Variants in ST6GALNAC3 observed in about 807,000 individuals in gnomAD.
ST6GALNAC3 encodes the protein ST6 N-acetylgalactosaminide alpha-2,6-sialyltransferase 3, also known as alpha-N-acetylgalactosaminide alpha-2,6-sialyltransferase 3.
Under a neutral mutation model 32.7 loss-of-function variants are expected in ST6GALNAC3, and 25 were observed. The observed-to-expected ratio is 0.76, with a 90% CI of 0.56 to 1.07. ST6GALNAC3 has a LOEUF of 1.07. Ranked by LOEUF, ST6GALNAC3 falls within the 50% of genes least tolerant of loss-of-function variation. ST6GALNAC3 has a pLI of 0.00. For synonymous variants in ST6GALNAC3, 129 were observed against 133.1 expected, an observed-to-expected ratio of 0.97 and a Z score of 0.21; for missense variants, 355 against 382.4, an observed-to-expected ratio of 0.93 and a Z score of 0.60.
In ST6GALNAC3 at chr1:76,541,240, G is replaced by C. The variant is rs564976856; in HGVS notation, c.624-86212G>C. Among the ~76,000 whole-genome samples, 10 of 152,242 alleles carry C rather than the reference G, an allele frequency of 6.6e-5. No individual in the cohort carries two copies. The South Asian group carries it at 1.9e-3, about 28-fold the overall frequency. ...TTAAAGGTTCAGATTTATCTGCTTG[G>C]TGATGAAAAGTAAGGAAACAATGGG... On this transcript the variant is annotated intron_variant, in intron 3 of 4. Transcript: ENST00000328299.
At chr1:76,340,505 C>G (rs1198591652) in intron 2 of ST6GALNAC3, among the ~76,000 whole-genome samples, 1 of 152,120 alleles carries the variant, frequency 6.6e-6, no homozygotes, top group Non-Finnish European at 1.5e-5. Flanking sequence ...TCAAGAAATT[C>G]AAAGACCTCA....
chr1:76,254,108 A>G (rs531346078), intron 1 of ST6GALNAC3, among the ~76,000 whole-genome samples: 1 of 152,140 alleles, frequency 6.6e-6, no homozygotes. Context: ...TGCAGATGGA[A>G]TGAATTATAA....
chr1:76,295,781 G>A (rs1341501192), intron 1 of ST6GALNAC3, among the ~76,000 whole-genome samples: 1 of 151,982 alleles, frequency 6.6e-6, no homozygotes, highest in African/African-American at 2.4e-5. Flanking sequence ...ATAATTATGT[G>A]GAGAGACTAG....
At chr1:76,260,331 G>T (rs1360908729) in intron 1 of ST6GALNAC3, among the ~76,000 whole-genome samples, 4 of 152,206 alleles carry the variant, frequency 2.6e-5, no homozygotes, top group Non-Finnish European at 1.5e-5. Context: ...ATTCTTTGTG[G>T]TGGTGGCCTT....
chr1:76,504,722 A>C (rs1262239359), intron 3 of ST6GALNAC3, among the ~76,000 whole-genome samples: 1 of 152,338 alleles, frequency 6.6e-6, no homozygotes, highest in East Asian at 1.9e-4. Flanking sequence ...GGAATGTGAT[A>C]GATCATATTA....
chr1:76,590,042 T>C (rs1647023487), intron 3 of ST6GALNAC3, among the ~76,000 whole-genome samples: 1 of 152,148 alleles, frequency 6.6e-6, no homozygotes, highest in Non-Finnish European at 1.5e-5. Flanking sequence ...CCAGGTTCAA[T>C]GGCATTTAAG....
At chr1:76,521,201 A>G (rs1469803223) in intron 3 of ST6GALNAC3, among the ~76,000 whole-genome samples, 1 of 151,934 alleles carries the variant, frequency 6.6e-6, no homozygotes, top group African/African-American at 2.4e-5. Context: ...TCCCTTTGGT[A>G]TTATTGTCAT....
In ST6GALNAC3 at chr1:76,494,647, G is replaced by GCA. The variant is rs1491154885; in HGVS notation, c.623+82231_623+82232insAC. Reference sequence around the variant, plus strand: ...GCATAAAAATATATTTCATGTGTATGCGCACACACACACACACACACACAC... The same window carrying GCA: ...GCATAAAAATATATTTCATGTGTATGCACGCACACACACACACACACACACAC... On this transcript the variant is annotated intron_variant, in intron 3 of 4. Transcript: ENST00000328299. 2.1e-3 allele frequency among the ~76,000 whole-genome samples: 116 copies of GCA among 54,006 alleles called. 1 individual carries two copies. The highest frequency in any genetic ancestry group is 0.012 in the African/African-American group (103 of 8,766). 35.4% of individuals were successfully genotyped at this position (54,006 alleles called of 152,430 possible).
At chr1:76,604,855 A>G (rs2100644648) in intron 3 of ST6GALNAC3, among the ~76,000 whole-genome samples, 1 of 152,128 alleles carries the variant, frequency 6.6e-6, no homozygotes, top group Middle Eastern at 3.4e-3. Context: ...TCTTGCATTT[A>G]TTTTGCCATT....
At chr1:76,475,731 G>A (rs1301758975) in intron 3 of ST6GALNAC3, among the ~76,000 whole-genome samples, 1 of 151,890 alleles carries the variant, frequency 6.6e-6, no homozygotes, top group Non-Finnish European at 1.5e-5. Flanking sequence ...TTTTATCTCT[G>A]GGATACATGT....
intron 1 of ST6GALNAC3, among the ~76,000 whole-genome samples, chr1:76,312,575 CA>C (rs57518127): frequency 0.076 from 11,073 of 145,620 alleles, 990 homozygotes; most frequent in African/African-American, 0.22. Flanking sequence ...AACAAATTTA[CA>C]AAAAAAAAAT....
At chr1:76,497,121 A>G (rs1480367799) in intron 3 of ST6GALNAC3, among the ~76,000 whole-genome samples, 1 of 152,066 alleles carries the variant, frequency 6.6e-6, no homozygotes, top group Non-Finnish European at 1.5e-5. Context: ...TAATAACCCT[A>G]ATTTGGAATT....
intron 1 of ST6GALNAC3, among the ~76,000 whole-genome samples, chr1:76,295,996 T>C (rs1660381995): frequency 6.6e-6 from 1 of 152,042 alleles, no homozygotes; most frequent in South Asian, 2.1e-4. Flanking sequence ...TGCTTTTAGC[T>C]CAAAATAATT....
intron 2 of ST6GALNAC3, among the ~76,000 whole-genome samples, chr1:76,316,854 A>G (rs1646875781): frequency 6.6e-6 from 1 of 152,186 alleles, no homozygotes; most frequent in Non-Finnish European, 1.5e-5. Flanking sequence ...TGGGGAAGGA[A>G]TCATACAAAA....
At chr1:76,596,945 G>T (rs1296736093) in intron 3 of ST6GALNAC3, among the ~76,000 whole-genome samples, 1 of 152,176 alleles carries the variant, frequency 6.6e-6, no homozygotes, top group Non-Finnish European at 1.5e-5. Flanking sequence ...TGGTTTTAAA[G>T]ATTTCTTTTT....
rs551028745 is a variant in ST6GALNAC3 at position 76,092,615 on chromosome 1, C to A, written c.18+17731C>A. Among the ~76,000 whole-genome samples the A allele has an allele frequency of 4.8e-4, 73 of 152,276 alleles. No homozygotes were observed. The South Asian group carries it at 9.1e-3, about 19-fold the overall frequency. ...GCAGGGATGGCTTCGTGGCATGTGA[C>A]CTGCATGATCACACAGGACCCCATG... On this transcript the variant is annotated intron_variant, in intron 1 of 4. Coordinates refer to ENST00000328299, the MANE Select transcript of ST6GALNAC3 (RefSeq NM_152996.4).
At chr1:76,463,452 C>T (rs1658417084) in intron 3 of ST6GALNAC3, among the ~76,000 whole-genome samples, 1 of 152,084 alleles carries the variant, frequency 6.6e-6, no homozygotes, top group Non-Finnish European at 1.5e-5. Flanking sequence ...TGTCTATTTT[C>T]GTATTTCTCT....
At chr1:76,595,790 ACTTT>A (rs1282890306) in intron 3 of ST6GALNAC3, among the ~76,000 whole-genome samples, 1 of 152,066 alleles carries the variant, frequency 6.6e-6, no homozygotes, top group African/African-American at 2.4e-5. Flanking sequence ...TATTTCTTAA[ACTTT>A]CTTTTTAAGG....
intron 1 of ST6GALNAC3, among the ~76,000 whole-genome samples, chr1:76,220,482 G>T (rs190097301): frequency 1.4e-4 from 21 of 152,132 alleles, no homozygotes; most frequent in African/African-American, 4.6e-4. Flanking sequence ...AATATTTGAG[G>T]GCATACTATA....
Sources: gnomAD v4.1 joint callset for allele counts (sites outside exome capture counted in the v4.1 genomes callset) on GRCh38, gnomAD v4.1.1 for gene constraint, MANE v1.5 for transcripts, NCBI Gene and HGNC (gene_info 2026-07-23, HGNC 2026-07-21) for gene names.